The following PRKG1 variants were observed in gnomAD, a reference collection of about 807,000 sequenced individuals.
PRKG1 encodes cGMP-dependent protein kinase 1.
Under a neutral mutation model 88.1 loss-of-function variants are expected in PRKG1, and 35 were observed. The ratio of observed to expected loss-of-function variants is 0.40; its 90% confidence interval spans 0.30 to 0.53. The LOEUF is 0.53. Ranked by LOEUF, PRKG1 falls within the 20% of genes least tolerant of loss-of-function variation. The probability of loss-of-function intolerance (pLI) is 0.59; values close to 1 mark genes in which losing one functional copy is unlikely to be tolerated. For synonymous variants in PRKG1, 303 were observed against 292.5 expected, an observed-to-expected ratio of 1.04 and a Z score of -0.37; for missense variants, 540 against 839.8, an observed-to-expected ratio of 0.64 and a Z score of 4.41.
At chr10:51,751,222 C>T (rs974924409) in intron 3 of PRKG1, among the ~76,000 whole-genome samples, 20 of 152,158 alleles carry the variant, frequency 1.3e-4, no homozygotes, top group Non-Finnish European at 2.5e-4. Flanking sequence ...TCAGTTCAAC[C>T]GAACTGTTTG....
At chr10:51,605,638 C>A (rs994557706) in intron 3 of PRKG1, among the ~76,000 whole-genome samples, 2 of 152,194 alleles carry the variant, frequency 1.3e-5, no homozygotes, top group African/African-American at 4.8e-5. Context: ...CTAATACCAT[C>A]CTGCAAAGTG....
At chr10:51,950,919 G>T (rs1381552766) in intron 5 of PRKG1, among the ~76,000 whole-genome samples, 1 of 152,252 alleles carries the variant, frequency 6.6e-6, no homozygotes, top group African/African-American at 2.4e-5. Flanking sequence ...TTTCTGCAGA[G>T]AGCGGACGTG....
intron 3 of PRKG1, among the ~76,000 whole-genome samples, chr10:51,694,391 A>T (rs936644366): frequency 6.6e-5 from 10 of 152,230 alleles, no homozygotes; most frequent in Admixed American, 6.5e-4. Context: ...CTACCATTAA[A>T]ATTCTGAAAA....
chr10:51,667,019 C>A (rs547444747), intron 3 of PRKG1, among the ~76,000 whole-genome samples: 1 of 152,024 alleles, frequency 6.6e-6, no homozygotes, highest in Non-Finnish European at 1.5e-5. Flanking sequence ...CCAGGCTGGT[C>A]TCGAACTCCT....
chr10:52,258,251 G>A (rs1354901258), intron 10 of PRKG1, among the ~76,000 whole-genome samples: 1 of 138,358 alleles, frequency 7.2e-6, no homozygotes, highest in African/African-American at 2.5e-5. Context: ...AATGCACTGG[G>A]CATGTCTTTC....
chr10:51,060,338 T>C (rs998190570), intron 1 of PRKG1, among the ~76,000 whole-genome samples: 5 of 152,092 alleles, frequency 3.3e-5, no homozygotes, highest in African/African-American at 1.2e-4. Flanking sequence ...ATCACTGTAC[T>C]GTTTGTTTTC....
chr10:52,175,033 C>T (rs1272969474), intron 9 of PRKG1, among the ~76,000 whole-genome samples: 1 of 152,018 alleles, frequency 6.6e-6, no homozygotes, highest in Admixed American at 6.6e-5. Flanking sequence ...CTATTTGAAA[C>T]TATCATTAAC....
At chr10:52,276,494 C>T (rs1841877621) in intron 12 of PRKG1, among the ~76,000 whole-genome samples, 1 of 152,092 alleles carries the variant, frequency 6.6e-6, no homozygotes, top group South Asian at 2.1e-4. Context: ...GTTGACTAAA[C>T]ATTGTGATTA....
At chr10:51,714,289 T>C (rs1382286296) in intron 3 of PRKG1, among the ~76,000 whole-genome samples, 2 of 152,182 alleles carry the variant, frequency 1.3e-5, no homozygotes, top group Admixed American at 1.3e-4. Flanking sequence ...ATTGCTTTTA[T>C]TTTTTACACT....
intron 1 of PRKG1, among the ~76,000 whole-genome samples, chr10:51,094,570 A>G (rs1844483681): frequency 6.6e-6 from 1 of 152,078 alleles, no homozygotes; most frequent in Admixed American, 6.6e-5. Context: ...AGGTTTTTGA[A>G]TGGTATCATG....
chr10:51,129,828 C>T (rs1393495066), intron 1 of PRKG1, among the ~76,000 whole-genome samples: 2 of 152,268 alleles, frequency 1.3e-5, no homozygotes, highest in African/African-American at 4.8e-5. Context: ...AGAAGGGTCA[C>T]ATTTTTCCCT....
At position 52,036,510 on chromosome 10, in the gene PRKG1, A is replaced by G. The variant is rs1344704103; in HGVS notation, c.763-17974A>G. On this transcript the variant is annotated intron_variant, in intron 5 of 17. Transcript: ENST00000373980. The stretch of plus-strand genomic sequence containing the variant: ...TTTAAAGCATGCTGCGGGATGGGAT[A>G]TTGGCGTTGAGTGGGGTAAGGGTGA... Among the ~76,000 whole-genome samples, 130 of 151,640 alleles carry G rather than the reference A, an allele frequency of 8.6e-4. 1 individual carries two copies. The highest frequency in any genetic ancestry group is 2.8e-3 in the African/African-American group (115 of 41,308).
intron 5 of PRKG1, among the ~76,000 whole-genome samples, chr10:52,041,147 A>G (rs1423198031): frequency 6.6e-6 from 1 of 152,074 alleles, no homozygotes; most frequent in East Asian, 1.9e-4. Flanking sequence ...TGAGGTACAT[A>G]TCTTCTGTGC....
chr10:51,220,831 G>A (rs1011445019), intron 2 of PRKG1, among the ~76,000 whole-genome samples: 2 of 151,952 alleles, frequency 1.3e-5, no homozygotes, highest in African/African-American at 2.4e-5. Flanking sequence ...ATTTCAATTT[G>A]GAGAAGAGGG....
chr10:51,466,317 G>A (rs553441978), intron 2 of PRKG1, among the ~76,000 whole-genome samples: 14 of 152,036 alleles, frequency 9.2e-5, no homozygotes, highest in African/African-American at 1.2e-4. Flanking sequence ...ATATTTGGCC[G>A]TACCTGTGTA....
intron 3 of PRKG1, among the ~76,000 whole-genome samples, chr10:51,471,781 G>A (rs1840055229): frequency 6.6e-6 from 1 of 151,750 alleles, no homozygotes; most frequent in Non-Finnish European, 1.5e-5. Flanking sequence ...CTATTCAAAT[G>A]GTCTCATTCA....
chr10:51,617,730 CTAA>C (rs1422586705), intron 3 of PRKG1, among the ~76,000 whole-genome samples: 4 of 152,286 alleles, frequency 2.6e-5, no homozygotes, highest in African/African-American at 7.2e-5. Context: ...ATGAAATCGC[CTAA>C]TGACACATTT....
chr10:51,846,290 T>A (rs1243381077), intron 4 of PRKG1, among the ~76,000 whole-genome samples: 1 of 152,172 alleles, frequency 6.6e-6, no homozygotes, highest in Non-Finnish European at 1.5e-5. Flanking sequence ...GATGAAGAAC[T>A]AACAAACAGT....
At position 51,820,605 on chromosome 10, in the gene PRKG1, A is replaced by G. The variant is rs1299058905; in HGVS notation, c.698+15915A>G. Among the ~76,000 whole-genome samples, 3 of 152,078 alleles carry G rather than the reference A, an allele frequency of 2.0e-5. No individual in the cohort carries two copies. In the South Asian group the frequency reaches 6.2e-4, roughly 31 times the overall value. On this transcript the variant is annotated intron_variant, in intron 4 of 17. Coordinates refer to ENST00000373980, the MANE Select transcript of PRKG1 (RefSeq NM_006258.4). ...CCACACCTTCACACATACCCTTGCT[A>G]TGGCTTCAGAGCAGGAGCTAATCTG...
Sources: allele counts gnomAD v4.1 joint callset (sites outside exome capture counted in the v4.1 genomes callset), GRCh38; gene constraint gnomAD v4.1.1; transcripts MANE v1.5; gene names NCBI Gene and HGNC (gene_info 2026-07-23, HGNC 2026-07-21).